CANX: variants seen among roughly 807,000 people sequenced by gnomAD.
The protein encoded by CANX is calnexin.
CANX carries 14 observed loss-of-function variants against 75.7 expected under a neutral mutation model. That is an observed-to-expected ratio of 0.19 (90% CI 0.12 to 0.29). CANX has a LOEUF of 0.29. CANX is among the 10% of genes least tolerant of loss of function. CANX has a pLI of 1.00. For synonymous variants in CANX, 227 were observed against 236.9 expected, an observed-to-expected ratio of 0.96 and a Z score of 0.38; for missense variants, 567 against 713.2, an observed-to-expected ratio of 0.79 and a Z score of 2.34.
At chr5:179,679,100 C>A (rs1443481832) in intron 1 of CANX, 19 of 1,535,804 alleles carry the variant, frequency 1.2e-5, no homozygotes, top group Non-Finnish European at 1.7e-5. Flanking sequence ...CTGCCACAGG[C>A]GGCTGGCATG....
chr5:179,696,362 G>A (rs2113063718), upstream of CANX, among the ~76,000 whole-genome samples: 1 of 132,496 alleles, frequency 7.5e-6, no homozygotes, highest in Middle Eastern at 4.7e-3. Flanking sequence ...TGCAACCTCT[G>A]CCTCCCGGGT....
intron 1 of CANX, among the ~76,000 whole-genome samples, chr5:179,689,994 T>C (rs938955214): frequency 6.6e-6 from 1 of 152,124 alleles, no homozygotes; most frequent in Non-Finnish European, 1.5e-5. Context: ...CAGGTCTGAA[T>C]TGAAGGACAT....
chr5:179,723,697 A>C lies in CANX; in HGVS notation c.1436A>C (p.Glu479Ala), dbSNP rs1778459237. 1 of 1,613,748 alleles carries C rather than the reference A, an allele frequency of 6.2e-7. No homozygotes were observed. The highest frequency in any genetic ancestry group is 1.3e-5 in the African/African-American group (1 of 74,858). Residue 479 changes from glutamate (E) to alanine (A), a missense_variant, in exon 12 of 15, where the codon GAG (glutamate) becomes GCG (alanine). By Grantham distance (107) the Glu-to-Ala change is moderately radical (BLOSUM62 -1). This residue lies in a region of CANX where 167 missense variants were observed against 179.3 expected (regional missense o/e 0.93). Coordinates refer to ENST00000247461, the MANE Select transcript of CANX (RefSeq NM_001746.4). ...GGGCAGATGATCGAGGCAGCTGAAG[A>C]GCGCCCGTGGCTGTGGGTAGTCTAT... is the stretch of plus-strand genomic sequence containing the variant. ...VVGQMIEAAE[E>A]RPWLWVVYIL...
At position 179,705,274 on chromosome 5, in the gene CANX, C is replaced by T. The variant is rs114001616; in HGVS notation, c.-3-405C>T. Among the ~76,000 whole-genome samples the T allele has an allele frequency of 3.5e-3, 537 of 152,302 alleles. 6 individuals are homozygous for T. Among genetic ancestry groups the T allele is most frequent in the African/African-American group, 0.012 (516 of 41,564 alleles). On this transcript the variant is annotated intron_variant, in intron 1 of 14. Transcript: ENST00000247461. Reference sequence around the variant, plus strand: ...CTGGGATTACAGGCGTGAGCCACGGCGCCCGGCCATCTCTGTTATTTCATT... The same window carrying T: ...CTGGGATTACAGGCGTGAGCCACGGTGCCCGGCCATCTCTGTTATTTCATT...
intron 7 of CANX, among the ~76,000 whole-genome samples, chr5:179,715,532 T>G (rs1205642780): frequency 6.6e-6 from 1 of 152,158 alleles, no homozygotes; most frequent in African/African-American, 2.4e-5. Context: ...AGCGAGACTC[T>G]GTCTCAAAAA....
intron 13 of CANX, among the ~76,000 whole-genome samples, chr5:179,725,831 TAAAAA>T (rs1255205011): frequency 1.5e-5 from 2 of 136,846 alleles, no homozygotes; most frequent in Admixed American, 1.5e-4. Flanking sequence ...CTACTTAAAA[TAAAAA>T]AGTTAGCCAG....
At chr5:179,723,636 A>C in intron 11 of CANX, 24 bp from the exon 12 acceptor site, 18 of 1,603,154 alleles carry the variant, frequency 1.1e-5, no homozygotes, top group Non-Finnish European at 1.5e-5. Flanking sequence ...TGGAACTTTC[A>C]ATCAGCCCTG....
intron 11 of CANX, 175 bp from the exon 12 acceptor site, chr5:179,723,485 G>A (rs1778443019): frequency 1.2e-5 from 7 of 593,418 alleles, no homozygotes; most frequent in Non-Finnish European, 2.0e-5. Context: ...TTGATTATAA[G>A]GAGAGCAAGA....
Position 179,720,500 on chromosome 5 carries a change from T to C in CANX, c.1122T>C (p.Ile374=). The C allele has an allele frequency of 6.2e-7, 1 of 1,614,108 alleles. No individual in the cohort carries two copies. The highest frequency in any genetic ancestry group is 1.1e-5 in the South Asian group (1 of 91,080). ...GTGGTGTCTGGCAGCGACCTGTGATTGACAACCCCAATTATAAAGGCAAAT... is the reference window on the plus strand; with the variant it reads ...GTGGTGTCTGGCAGCGACCTGTGATCGACAACCCCAATTATAAAGGCAAAT... ...PGCGVWQRPV[I]DNPNYKGKWK... is the part of the protein sequence containing the mutation. Residue 374 remains isoleucine, a synonymous_variant, in exon 10 of 15, where the codon ATT becomes ATC. Coordinates refer to ENST00000247461, the MANE Select transcript of CANX (RefSeq NM_001746.4).
chr5:179,692,259 G>A (rs1264093106), intron 1 of CANX, among the ~76,000 whole-genome samples: 5 of 151,916 alleles, frequency 3.3e-5, no homozygotes, highest in African/African-American at 7.3e-5. Flanking sequence ...ATTTTTAGTA[G>A]AGACAGGGTT....
At position 179,722,912 on chromosome 5, in the gene CANX, T is replaced by G; in HGVS notation, c.1291T>G (p.Ser431Ala). Residue 431 changes from serine (S) to alanine (A), a missense_variant, in exon 11 of 15, where the codon TCT becomes GCT. Physicochemically the swap from Ser to Ala is moderately conservative, Grantham distance 99 (BLOSUM62 1). This residue lies in a region of CANX where 49 missense variants were observed against 100.1 expected (regional missense o/e 0.49). Transcript: ENST00000247461. ...AIGLELWSMT[S>A]DIFFDNFIIC... ...TGGTTTGGAGCTGTGGTCCATGACCTCTGACATTTTTTTTGACAACTTTAT... is the reference window on the plus strand; with the variant it reads ...TGGTTTGGAGCTGTGGTCCATGACCGCTGACATTTTTTTTGACAACTTTAT... The G allele has an allele frequency of 1.2e-6, 2 of 1,614,014 alleles. No individual in the cohort carries two copies. Among genetic ancestry groups the G allele is most frequent in the East Asian group, 2.2e-5 (1 of 44,880 alleles).
chr5:179,713,330 C>T (rs1319839809), intron 7 of CANX, among the ~76,000 whole-genome samples: 1 of 152,098 alleles, frequency 6.6e-6, no homozygotes, highest in African/African-American at 2.4e-5. Flanking sequence ...CCTCGGCCTC[C>T]CAAAGTGCTA....
upstream of CANX, chr5:179,698,894 C>T: frequency 8.7e-7 from 1 of 1,155,952 alleles, no homozygotes; most frequent in Non-Finnish European, 1.1e-6. Flanking sequence ...GGACTTGGCG[C>T]CGGCTGTGGC....
chr5:179,714,360 C>T (rs908500102), intron 7 of CANX, among the ~76,000 whole-genome samples: 3 of 151,928 alleles, frequency 2.0e-5, no homozygotes, highest in African/African-American at 7.3e-5. Context: ...ACACGTACCC[C>T]GAAAATATGT....
At chr5:179,680,019 G>A (rs1776021406) in intron 1 of CANX, among the ~76,000 whole-genome samples, 1 of 131,986 alleles carries the variant, frequency 7.6e-6, no homozygotes, top group South Asian at 2.5e-4. Flanking sequence ...CACCTTATTG[G>A]CCAGGCTGGT....
intron 1 of CANX, chr5:179,699,465 T>C (rs1475499737): frequency 6.6e-6 from 1 of 152,176 alleles, no homozygotes; most frequent in Non-Finnish European, 1.5e-5. Context: ...GGTAAAAGTA[T>C]AGGGTGGAAT....
At position 179,710,081 on chromosome 5, in the gene CANX, A is replaced by T; in HGVS notation, c.721+16A>T. 1 of 1,436,082 alleles carries T rather than the reference A, an allele frequency of 7.0e-7. No homozygotes were observed. Among genetic ancestry groups the T allele is most frequent in the African/African-American group, 1.4e-5 (1 of 70,288 alleles). 89.0% of individuals were successfully genotyped at this position (1,436,082 alleles called of 1,614,324 possible). The stretch of plus-strand genomic sequence containing the variant: ...TACACACTAAGTAAGAAAAAGCATT[A>T]GTTTGGGGGCTTATGGTATTACATA... On this transcript the variant is annotated intron_variant, in intron 7 of 14. Coordinates refer to ENST00000247461, the MANE Select transcript of CANX (RefSeq NM_001746.4).
intron 14 of CANX, 28 bp from the exon 15 acceptor site, chr5:179,728,563 T>G: frequency 7.4e-7 from 1 of 1,351,814 alleles, no homozygotes; most frequent in Non-Finnish European, 1.1e-6. Context: ...AATGTGCTAA[T>G]TATAATGAAT....
chr5:179,680,971 C>G (rs1776048745), intron 1 of CANX: 6 of 1,467,396 alleles, frequency 4.1e-6, no homozygotes, highest in Non-Finnish European at 3.7e-6. Context: ...CCCGTTAGTC[C>G]TCACTGTATG....
Sources: gnomAD v4.1 joint callset for allele counts (sites outside exome capture counted in the v4.1 genomes callset) on GRCh38, gnomAD v4.1.1 for gene constraint, gnomAD v4.1.1 regional missense constraint, MANE v1.5 for transcripts, NCBI Gene and HGNC (gene_info 2026-07-23, HGNC 2026-07-21) for gene names.